ARHGAP10: variants seen among roughly 807,000 people sequenced by gnomAD.
ARHGAP10 encodes the protein Rho GTPase activating protein 10, also known as rho GTPase-activating protein 10.
Under a neutral mutation model 108.6 loss-of-function variants are expected in ARHGAP10, and 87 were observed. That is an observed-to-expected ratio of 0.80 (90% CI 0.67 to 0.96). The LOEUF is 0.96. Ranked by LOEUF, ARHGAP10 falls within the 40% of genes least tolerant of loss-of-function variation. The pLI, the probability that ARHGAP10 is intolerant of heterozygous loss-of-function variation, is 0.00. For synonymous variants in ARHGAP10, 347 were observed against 341.1 expected (o/e 1.02, Z -0.19); for missense variants, 939 against 954.5 (o/e 0.98, Z 0.21).
intron 4 of ARHGAP10, among the ~76,000 whole-genome samples, chr4:147,855,097 A>G (rs1309375720): frequency 6.6e-6 from 1 of 152,222 alleles, no homozygotes; most frequent in African/African-American, 2.4e-5. Context: ...CTGCAGTGAT[A>G]GTGCTTCTTA....
intron 18 of ARHGAP10, among the ~76,000 whole-genome samples, chr4:147,981,371 A>G (rs903325769): frequency 6.6e-6 from 1 of 152,136 alleles, no homozygotes; most frequent in Non-Finnish European, 1.5e-5. Flanking sequence ...TGTTTTTTAG[A>G]GTTGCTCTTG....
At chr4:147,881,395 T>A (rs1291612896) in intron 9 of ARHGAP10, among the ~76,000 whole-genome samples, 1 of 152,148 alleles carries the variant, frequency 6.6e-6, no homozygotes, top group Non-Finnish European at 1.5e-5. Flanking sequence ...CCCAGCACTT[T>A]GGGAGGCTGA....
At chr4:147,741,782 A>ACACACG (rs1728670499) in intron 1 of ARHGAP10, among the ~76,000 whole-genome samples, 5 of 36,450 alleles carry the variant, frequency 1.4e-4, no homozygotes, top group East Asian at 7.4e-4. Flanking sequence ...ACACACACAC[A>ACACACG]CACACACACG....
Position 147,825,174 on chromosome 4 carries a change from G to A in ARHGAP10, c.312+2217G>A, listed in dbSNP as rs954256285. 2.2e-4 allele frequency among the ~76,000 whole-genome samples: 7 copies of A among 32,132 alleles called. No homozygotes were observed. The Admixed American group carries it at 3.0e-3, about 14-fold the overall frequency. 21.1% of individuals were successfully genotyped at this position (32,132 alleles called of 152,430 possible). ...TTTAAAAAGTGACAGAGGGCTGGGC[G>A]CAGTGGCTGATGCCTCTGTAATCCC... On this transcript the variant is annotated intron_variant, in intron 3 of 22. Transcript: ENST00000336498.
chr4:148,034,928 A>G (rs1041329248), intron 19 of ARHGAP10, among the ~76,000 whole-genome samples: 5 of 152,322 alleles, frequency 3.3e-5, no homozygotes, highest in South Asian at 2.1e-4. Flanking sequence ...GACTGTGATT[A>G]TGACATAAAA....
At chr4:148,041,337 A>AG (rs1578817604) in intron 19 of ARHGAP10, among the ~76,000 whole-genome samples, 1 of 152,326 alleles carries the variant, frequency 6.6e-6, no homozygotes, top group East Asian at 1.9e-4. Flanking sequence ...AAGGGATTTC[A>AG]GGGGGGAACT....
intron 1 of ARHGAP10, among the ~76,000 whole-genome samples, chr4:147,753,633 C>T (rs567354308): frequency 7.2e-5 from 11 of 151,964 alleles, no homozygotes; most frequent in African/African-American, 1.7e-4. Context: ...GGATTACAGG[C>T]GTGAGCCACT....
intron 13 of ARHGAP10, among the ~76,000 whole-genome samples, chr4:147,914,246 T>C (rs1481320356): frequency 6.6e-6 from 1 of 152,234 alleles, no homozygotes; most frequent in Non-Finnish European, 1.5e-5. Context: ...ATTGAAAACA[T>C]ACACAATTGT....
intron 1 of ARHGAP10, among the ~76,000 whole-genome samples, chr4:147,821,196 G>A (rs1486037080): frequency 6.6e-6 from 1 of 152,156 alleles, no homozygotes; most frequent in Non-Finnish European, 1.5e-5. Flanking sequence ...GAGCAGAGGT[G>A]TGTAACATTC....
At chr4:147,815,644 C>A (rs1732210980) in intron 1 of ARHGAP10, among the ~76,000 whole-genome samples, 2 of 152,012 alleles carry the variant, frequency 1.3e-5, no homozygotes, top group African/African-American at 4.8e-5. Flanking sequence ...ATCACTTGAC[C>A]CTAGGAGTTC....
chr4:147,812,572 G>A (rs1259410842), intron 1 of ARHGAP10, among the ~76,000 whole-genome samples: 1 of 152,088 alleles, frequency 6.6e-6, no homozygotes, highest in African/African-American at 2.4e-5. Flanking sequence ...CCCAGGAGCT[G>A]CCCATAAAGC....
chr4:147,736,017 A>G (rs1390693165), intron 1 of ARHGAP10, among the ~76,000 whole-genome samples: 1 of 152,130 alleles, frequency 6.6e-6, no homozygotes, highest in East Asian at 1.9e-4. Context: ...GAGAAAATGT[A>G]TCTTGTTCTT....
intron 1 of ARHGAP10, among the ~76,000 whole-genome samples, chr4:147,801,512 T>G (rs977786588): frequency 1.6e-4 from 25 of 152,120 alleles, no homozygotes; most frequent in African/African-American, 5.3e-4. Context: ...AATAACATGC[T>G]GTGTTTGTTC....
At position 147,877,819 on chromosome 4, in the gene ARHGAP10, C is replaced by CTTTTTTTTTTTTTTT. The variant is rs549355620; in HGVS notation, c.833-1412_833-1398dup. On this transcript the variant is annotated intron_variant, in intron 8 of 22. Transcript: ENST00000336498. ...AGTCTTAGATTTCTTATTCTTCATA[C>CTTTTTTTTTTTTTTT]TTTTTTTTTTTTTTTGCTGAGATTA... Among the ~76,000 whole-genome samples, 133 of 131,424 alleles carry CTTTTTTTTTTTTTTT rather than the reference C, an allele frequency of 1.0e-3. 3 individuals are homozygous for CTTTTTTTTTTTTTTT. Among genetic ancestry groups the CTTTTTTTTTTTTTTT allele is most frequent in the African/African-American group, 3.9e-3 (125 of 31,778 alleles). 86.2% of individuals were successfully genotyped at this position (131,424 alleles called of 152,430 possible).
chr4:147,969,021 T>C (rs1297277626), intron 18 of ARHGAP10, among the ~76,000 whole-genome samples: 1 of 152,252 alleles, frequency 6.6e-6, no homozygotes, highest in Non-Finnish European at 1.5e-5. Flanking sequence ...TTTGTCCACT[T>C]ATAGTAATAC....
intron 3 of ARHGAP10, among the ~76,000 whole-genome samples, chr4:147,829,619 C>T (rs553700517): frequency 7.2e-5 from 11 of 152,220 alleles, no homozygotes; most frequent in African/African-American, 1.2e-4. Flanking sequence ...CACTTCTGCG[C>T]GTGTTCTCAG....
At chr4:147,980,318 C>A (rs917550297) in intron 18 of ARHGAP10, among the ~76,000 whole-genome samples, 1 of 151,780 alleles carries the variant, frequency 6.6e-6, no homozygotes, top group Non-Finnish European at 1.5e-5. Context: ...GTTTTTAATT[C>A]TGTTTATGTG....
At chr4:147,737,926 A>G (rs979567586) in intron 1 of ARHGAP10, among the ~76,000 whole-genome samples, 1 of 151,984 alleles carries the variant, frequency 6.6e-6, no homozygotes, top group African/African-American at 2.4e-5. Flanking sequence ...TCAGCAATCT[A>G]ATGTTCTCAG....
intron 7 of ARHGAP10, among the ~76,000 whole-genome samples, chr4:147,867,095 C>CT (rs773108136): frequency 1.8e-4 from 27 of 152,180 alleles, no homozygotes; most frequent in Non-Finnish European, 3.8e-4. Flanking sequence ...GCTATGTCTG[C>CT]TACAGACAAA....
Sources: gnomAD v4.1 joint callset for allele counts (sites outside exome capture counted in the v4.1 genomes callset) on GRCh38, gnomAD v4.1.1 for gene constraint, MANE v1.5 for transcripts, NCBI Gene and HGNC (gene_info 2026-07-23, HGNC 2026-07-21) for gene names.